Variants in NUP160 observed in about 807,000 individuals in gnomAD.
NUP160 encodes nuclear pore complex protein Nup160.
NUP160 carries 94 observed loss-of-function variants against 196.9 expected under a neutral mutation model. That is an observed-to-expected ratio of 0.48 (90% CI 0.40 to 0.57). NUP160 has a LOEUF of 0.57. NUP160 is among the 20% of genes least tolerant of loss of function. The probability of loss-of-function intolerance (pLI) is 0.00; values close to 1 mark genes in which losing one functional copy is unlikely to be tolerated. For missense variants in NUP160, 1,638 were observed against 1,748.3 expected, an observed-to-expected ratio of 0.94 and a Z score of 1.13; for synonymous variants, 605 against 619.7, an observed-to-expected ratio of 0.98 and a Z score of 0.35.
At position 47,836,801 on chromosome 11, in the gene NUP160, T is replaced by A. The variant is rs570005694; in HGVS notation, c.942+86A>T. The A allele has an allele frequency of 5.8e-4, 456 of 783,434 alleles. 3 individuals are homozygous for A. Among genetic ancestry groups the A allele is most frequent in the South Asian group, 2.4e-3 (145 of 60,894 alleles). 48.5% of individuals were successfully genotyped at this position (783,434 alleles called of 1,614,324 possible). A position where few individuals can be genotyped will look rare whatever the true frequency, so the allele number is the denominator to read the frequency against. ...AGTTCCAAACCAATTGATCTAATAA[T>A]CTTTAGAGAAACAGCAAAATTTACT... On this transcript the variant is annotated intron_variant, in intron 6 of 35. Transcript: ENST00000378460.
intron 31 of NUP160, among the ~76,000 whole-genome samples, chr11:47,787,594 T>C (rs1476671365): frequency 1.3e-5 from 2 of 151,884 alleles, no homozygotes; most frequent in Admixed American, 6.6e-5. Context: ...ACCCTCATTT[T>C]TGTATTTTTA....
Position 47,806,151 on chromosome 11 carries a change from A to C in NUP160, c.2606+2T>G. 6.2e-7 allele frequency: 1 copy of C among 1,613,900 alleles called. No individual in the cohort carries two copies. ...TTCACTGGCTTCTAAATAAAAGGAT[A>C]CAAAAGCTGCAATAAATAACTGGTA... On this transcript the variant is annotated splice_donor_variant, in intron 20 of 35. Coordinates refer to ENST00000378460, the Ensembl canonical transcript of NUP160. LOFTEE classifies it high-confidence loss of function.
At chr11:47,818,065 C>A (rs1337511311) in exon 11 of NUP160, 1 of 1,608,060 alleles carries the variant, frequency 6.2e-7, no homozygotes, top group South Asian at 1.1e-5. Flanking sequence ...CCTGTAAAGC[C>A]TTACATAAAG....
rs767837449 is a variant in NUP160, at chr11:47,807,028, T to TC, written c.2446+41dup. On this transcript the variant is annotated intron_variant, in intron 19 of 35. Transcript: ENST00000378460. ...ACCACTTTAATGAATATGCAATAAA[T>TC]CCCCAGTTTAAAATGAAATGTGTAC... 2.9e-6 allele frequency: 4 copies of TC among 1,389,490 alleles called. No homozygotes were observed. In the Admixed American group the frequency reaches 7.3e-5, roughly 25 times the overall value. The allele number at this position is 1,389,490 out of a possible 1,614,324, so 86.1% of individuals were successfully genotyped here.
chr11:47,818,944 A>G (rs1331970521), intron 10 of NUP160, among the ~76,000 whole-genome samples: 1 of 152,174 alleles, frequency 6.6e-6, no homozygotes, highest in African/African-American at 2.4e-5. Context: ...TCCCAAGCCC[A>G]TAATCTTTAA....
intron 9 of NUP160, among the ~76,000 whole-genome samples, chr11:47,820,591 C>T (rs1003277511): frequency 3.3e-5 from 5 of 151,870 alleles, no homozygotes; most frequent in African/African-American, 4.8e-5. Context: ...CTCACTTTGT[C>T]GCCTAGGCTG....
chr11:47,831,931 C>T (rs1191686087), intron 7 of NUP160, among the ~76,000 whole-genome samples: 4 of 107,304 alleles, frequency 3.7e-5, no homozygotes, highest in Non-Finnish European at 6.8e-5. Context: ...GAGACAGAAT[C>T]TCGGTCTGTC....
intron 32 of NUP160, among the ~76,000 whole-genome samples, chr11:47,786,252 C>T (rs1455480552): frequency 6.6e-6 from 1 of 152,142 alleles, no homozygotes; most frequent in Non-Finnish European, 1.5e-5. Context: ...GAGAAGGAGA[C>T]ATTTCATAGG....
chr11:47,835,785 C>T, exon 7 of NUP160: 1 of 1,594,602 alleles, frequency 6.3e-7, no homozygotes, highest in East Asian at 2.3e-5. Flanking sequence ...TCCAGCATGT[C>T]AGCTACCATT....
rs747018018 is a variant in NUP160, at chr11:47,810,548, C to CT, written c.2241+1515dup. ...AGCGATGTATCTGGGTTTATAATTT[C>CT]TTTTTTTTTTTTTTTGGAGACAGAA... is the stretch of plus-strand genomic sequence containing the variant. On this transcript the variant is annotated intron_variant, in intron 17 of 35. Coordinates refer to ENST00000378460, the Ensembl canonical transcript of NUP160. Among the ~76,000 whole-genome samples the CT allele has an allele frequency of 3.4e-3, 474 of 139,398 alleles. 1 individual carries two copies. The highest frequency in any genetic ancestry group is 6.6e-3 in the African/African-American group (253 of 38,200). 91.5% of individuals were successfully genotyped at this position (139,398 alleles called of 152,430 possible).
At chr11:47,831,612 G>A (rs1202416268) in intron 7 of NUP160, among the ~76,000 whole-genome samples, 1 of 152,000 alleles carries the variant, frequency 6.6e-6, no homozygotes, top group African/African-American at 2.4e-5. Flanking sequence ...GGGAGGCCGA[G>A]GCAGGCGGAT....
At chr11:47,806,410 T>G in intron 19 of NUP160, 98 bp from the exon 20 acceptor site, 1 of 941,464 alleles carries the variant, frequency 1.1e-6, no homozygotes, top group Non-Finnish European at 1.6e-6. Flanking sequence ...AACAAACAAT[T>G]TAGCACTTCA....
At chr11:47,821,557 T>C in intron 9 of NUP160, 167 bp downstream of exon 9, 1 of 549,000 alleles carries the variant, frequency 1.8e-6, no homozygotes, top group Non-Finnish European at 3.2e-6. Flanking sequence ...AGAGACGGGG[T>C]TTCTGTTGCC....
intron 34 of NUP160, 21 bp downstream of exon 34, chr11:47,783,052 G>A: frequency 1.2e-6 from 2 of 1,601,544 alleles, no homozygotes; most frequent in East Asian, 2.2e-5. Flanking sequence ...TGTAAATTGG[G>A]GACCATTTGT....
At chr11:47,780,866 G>T (rs1262168650) in intron 34 of NUP160, among the ~76,000 whole-genome samples, 1 of 152,094 alleles carries the variant, frequency 6.6e-6, no homozygotes, top group African/African-American at 2.4e-5. Flanking sequence ...GAAACTGTGT[G>T]TATACATGTG....
intron 27 of NUP160, among the ~76,000 whole-genome samples, chr11:47,793,735 T>A (rs71475991): frequency 7.9e-6 from 1 of 126,814 alleles, no homozygotes. Context: ...TTTTTTTTTT[T>A]TTTTTTTTTT....
chr11:47,839,661 C>A, intron 4 of NUP160, 182 bp downstream of exon 4: 1 of 610,330 alleles, frequency 1.6e-6, no homozygotes, highest in Non-Finnish European at 2.9e-6. Context: ...CTCCAATATG[C>A]TTTATAGTTC....
exon 36 of NUP160, chr11:47,779,183 T>G: frequency 6.2e-7 from 1 of 1,608,362 alleles, no homozygotes; most frequent in Non-Finnish European, 8.5e-7. Context: ...TGTCAAGTAT[T>G]TTCTGGGACA....
At chr11:47,815,956 A>G in exon 12 of NUP160, 1 of 1,612,598 alleles carries the variant, frequency 6.2e-7, no homozygotes, top group African/African-American at 1.3e-5. Context: ...CTCATTTTCA[A>G]CAGCTAAAGT....
Sources: allele counts gnomAD v4.1 joint callset (sites outside exome capture counted in the v4.1 genomes callset), GRCh38; gene constraint gnomAD v4.1.1; transcripts MANE v1.5; gene names NCBI Gene and HGNC (gene_info 2026-07-23, HGNC 2026-07-21).